STIP1: variants seen among roughly 807,000 people sequenced by gnomAD.
The protein encoded by STIP1 is stress induced phosphoprotein 1.
A neutral mutation model predicts 77.4 loss-of-function variants in STIP1; 16 were observed. That is an observed-to-expected ratio of 0.21 (90% CI 0.14 to 0.31). STIP1 has a LOEUF of 0.31. STIP1 is among the 10% of genes least tolerant of loss of function. The probability of loss-of-function intolerance (pLI) is 1.00; values close to 1 mark genes in which losing one functional copy is unlikely to be tolerated. For synonymous variants in STIP1, 258 were observed against 246.6 expected (o/e 1.05, Z -0.44); for missense variants, 524 against 684.8 (o/e 0.77, Z 2.62).
upstream of STIP1, chr11:64,185,949 C>G: frequency 1.3e-6 from 2 of 1,537,346 alleles, no homozygotes; most frequent in Non-Finnish European, 1.7e-6. Flanking sequence ...GTTCGCTCCT[C>G]CCTCCATTCG....
At chr11:64,203,927 C>T (rs1025502089) in intron 13 of STIP1, 127 bp from the exon 14 acceptor site, 2 of 1,166,096 alleles carry the variant, frequency 1.7e-6, no homozygotes, top group African/African-American at 1.5e-5. Context: ...AGCTCGGCGC[C>T]CCGGGCCTCG....
chr11:64,194,541 A>G lies in STIP1; in HGVS notation c.424A>G (p.Arg142Gly). ...GTATCAGAAGTTGGAGAGTGATCCC[A>G]GGACAAGGACACTACTCAGTGATCC... is the stretch of plus-strand genomic sequence containing the variant. ...NLYQKLESDP[R>G]TRTLLSDPTY... is the part of the protein sequence containing the mutation. Residue 142 changes from arginine (R) to glycine (G), a missense_variant, in exon 4 of 14, where the codon AGG (arginine) becomes GGG (glycine). By Grantham distance (125) the Arg-to-Gly change is moderately radical. Transcript: ENST00000305218. The G allele has an allele frequency of 6.2e-7, 1 of 1,614,204 alleles. No individual in the cohort carries two copies. The highest frequency in any genetic ancestry group is 8.5e-7 in the Non-Finnish European group (1 of 1,180,046).
At chr11:64,190,020 A>T (rs1286116557) in intron 1 of STIP1, among the ~76,000 whole-genome samples, 7 of 137,188 alleles carry the variant, frequency 5.1e-5, no homozygotes, top group Admixed American at 1.6e-4. Flanking sequence ...TTTTTTTTCC[A>T]AATAGAGTCT....
rs1440449676 is a variant in STIP1 at position 64,194,465 on chromosome 11, CT to C, written c.362-11del. ...ACTCATTTCATAGTGATGTGCTTTC[CT>C]TTATTTGGACAGAGAGAAAATTCAT... On this transcript the variant is annotated splice_polypyrimidine_tract_variant and intron_variant, in intron 3 of 13. Coordinates refer to ENST00000305218, the MANE Select transcript of STIP1 (RefSeq NM_006819.3). The C allele has an allele frequency of 2.5e-6, 4 of 1,613,952 alleles. No individual in the cohort carries two copies. Among genetic ancestry groups the C allele is most frequent in the Non-Finnish European group, 2.5e-6 (3 of 1,179,942 alleles).
chr11:64,191,434 C>T (rs1281463023), intron 1 of STIP1, among the ~76,000 whole-genome samples: 1 of 150,560 alleles, frequency 6.6e-6, no homozygotes, highest in Non-Finnish European at 1.5e-5. Flanking sequence ...GGTGAAACTC[C>T]ATCTCTACTA....
At position 64,204,154 on chromosome 11, in the gene STIP1, C is replaced by T. The variant is rs1166944938; in HGVS notation, c.*28C>T. 1 of 1,613,264 alleles carries T rather than the reference C, an allele frequency of 6.2e-7. No individual in the cohort carries two copies. Among genetic ancestry groups the T allele is most frequent in the Non-Finnish European group, 8.5e-7 (1 of 1,179,562 alleles). ...ACTTGTTCATCCCCCCTTCCCTTCG[C>T]CCTCATGTGGAAAGAGGAGCTGGGA... On this transcript the variant is annotated 3_prime_UTR_variant, in exon 14 of 14. Coordinates refer to ENST00000305218, the MANE Select transcript of STIP1 (RefSeq NM_006819.3).
At chr11:64,192,603 A>G (rs1356512473) in intron 1 of STIP1, among the ~76,000 whole-genome samples, 1 of 152,238 alleles carries the variant, frequency 6.6e-6, no homozygotes, top group African/African-American at 2.4e-5. Context: ...GCCGCTCCCA[A>G]GAAAGAGAAG....
intron 8 of STIP1, among the ~76,000 whole-genome samples, chr11:64,198,281 C>T (rs1002790923): frequency 9.9e-5 from 15 of 151,670 alleles, no homozygotes; most frequent in African/African-American, 3.4e-4. Flanking sequence ...GGCATGGTGT[C>T]TGCTCACTGC....
rs1006851403 is a variant in STIP1 at position 64,204,155 on chromosome 11, C to T, written c.*29C>T. ...CTTGTTCATCCCCCCTTCCCTTCGC[C>T]CTCATGTGGAAAGAGGAGCTGGGAC... On this transcript the variant is annotated 3_prime_UTR_variant, in exon 14 of 14. Coordinates refer to ENST00000305218, the MANE Select transcript of STIP1 (RefSeq NM_006819.3). 3.7e-6 allele frequency: 6 copies of T among 1,613,370 alleles called. No individual in the cohort carries two copies. Among genetic ancestry groups the T allele is most frequent in the South Asian group, 3.3e-5 (3 of 91,048 alleles).
Position 64,197,842 on chromosome 11 carries a change from TTTC to T in STIP1, c.903-9_903-7del. 6.2e-7 allele frequency: 1 copy of T among 1,610,766 alleles called. No individual in the cohort carries two copies. The highest frequency in any genetic ancestry group is 8.5e-7 in the Non-Finnish European group (1 of 1,179,392). On this transcript the variant is annotated splice_polypyrimidine_tract_variant and intron_variant, in intron 7 of 13. Transcript: ENST00000305218. ...CTGTCCTAAGCAGTCCTTGTCCCTC[TTTC>T]TTTATCAGAGCATATGCTCGAATTG...
intron 2 of STIP1, among the ~76,000 whole-genome samples, chr11:64,193,950 G>A (rs1208926947): frequency 6.6e-6 from 1 of 152,208 alleles, no homozygotes; most frequent in Non-Finnish European, 1.5e-5. Flanking sequence ...TGTTGCCAAA[G>A]AAACTGACCA....
rs1946126442 is a variant in STIP1, at chr11:64,194,503, A to G, written c.386A>G (p.Asn129Ser). ...LAERKFMNPFNMPNLYQKLES... is the reference protein window; with the variant it reads ...LAERKFMNPFSMPNLYQKLES... ...GAGAGAAAATTCATGAACCCTTTCA[A>G]CATGCCTAATCTGTATCAGAAGTTG... Residue 129 changes from asparagine (N) to serine (S), a missense_variant, in exon 4 of 14, where the codon AAC becomes AGC. Coordinates refer to ENST00000305218, the MANE Select transcript of STIP1 (RefSeq NM_006819.3). 6.2e-7 allele frequency: 1 copy of G among 1,614,030 alleles called. No homozygotes were observed. The highest frequency in any genetic ancestry group is 8.5e-7 in the Non-Finnish European group (1 of 1,180,036).
At chr11:64,188,343 C>CAA (rs35340432) in intron 1 of STIP1, among the ~76,000 whole-genome samples, 4 of 100,548 alleles carry the variant, frequency 4.0e-5, no homozygotes, top group Non-Finnish European at 6.0e-5. Flanking sequence ...GACTCCATCT[C>CAA]AAAAAAAAAA....
At position 64,197,253 on chromosome 11, in the gene STIP1, C is replaced by T. The variant is rs565498459; in HGVS notation, c.673-18C>T. 1.0e-4 allele frequency: 164 copies of T among 1,613,926 alleles called. 1 individual carries two copies. Among genetic ancestry groups the T allele is most frequent in the Middle Eastern group, 8.3e-4 (5 of 6,048 alleles). ...CTGAGTTAGATTTGCTCAGCACTCACTTCTAAACCTCATCTAGGCACTGAA... is the reference window on the plus strand; with the variant it reads ...CTGAGTTAGATTTGCTCAGCACTCATTTCTAAACCTCATCTAGGCACTGAA... On this transcript the variant is annotated intron_variant, in intron 5 of 13. Transcript: ENST00000305218.
At chr11:64,202,065 T>C (rs1190984004) in intron 10 of STIP1, among the ~76,000 whole-genome samples, 1 of 152,246 alleles carries the variant, frequency 6.6e-6, no homozygotes, top group African/African-American at 2.4e-5. Context: ...ATCCAAGTCT[T>C]GTGCACGCAT....
chr11:64,193,898 C>T (rs1327387798), intron 2 of STIP1, among the ~76,000 whole-genome samples: 2 of 152,146 alleles, frequency 1.3e-5, no homozygotes, highest in African/African-American at 4.8e-5. Flanking sequence ...GCCTGGGTAA[C>T]ATAAGGAGTC....
intron 7 of STIP1, 57 bp downstream of exon 7, chr11:64,197,652 T>C (rs903936767): frequency 1.2e-6 from 2 of 1,603,408 alleles, no homozygotes; most frequent in African/African-American, 1.3e-5. Flanking sequence ...TGTCCAAGAC[T>C]TAAGTTTCTC....
In STIP1 at chr11:64,194,177, T is replaced by G; in HGVS notation, c.220-12T>G. On this transcript the variant is annotated splice_polypyrimidine_tract_variant and intron_variant, in intron 2 of 13. Transcript: ENST00000305218. ...GTGTTCTCTATTTTGTGTCTGTCTTTGGTGGTTTAAGGGCTATTCACGAAA... is the reference window on the plus strand; with the variant it reads ...GTGTTCTCTATTTTGTGTCTGTCTTGGGTGGTTTAAGGGCTATTCACGAAA... The G allele has an allele frequency of 6.2e-7, 1 of 1,609,006 alleles. No individual in the cohort carries two copies. Among genetic ancestry groups the G allele is most frequent in the South Asian group, 1.1e-5 (1 of 89,626 alleles).
chr11:64,186,335 G>GT, intron 1 of STIP1, 65 bp downstream of exon 1: 135 of 485,598 alleles, frequency 2.8e-4, no homozygotes, highest in Non-Finnish European at 4.2e-4. Context: ...CCAGGCCGCG[G>GT]TAGGGGGGCG....
Sources: allele counts gnomAD v4.1 joint callset (sites outside exome capture counted in the v4.1 genomes callset), GRCh38; gene constraint gnomAD v4.1.1; transcripts MANE v1.5; gene names NCBI Gene and HGNC (gene_info 2026-07-23, HGNC 2026-07-21).